The following PPP1R3A variants were observed in gnomAD, a reference collection of about 807,000 sequenced individuals.
The protein encoded by PPP1R3A is protein phosphatase 1 regulatory subunit 3A, also known as RG1.
In PPP1R3A, 29 loss-of-function variants were observed where a neutral mutation model predicts 41.7. That is an observed-to-expected ratio of 0.70 (90% CI 0.52 to 0.95). The LOEUF is 0.95. Among genes scored for constraint, PPP1R3A ranks in the 40% least tolerant of loss-of-function variants. The probability of loss-of-function intolerance (pLI) is 0.00; values close to 1 mark genes in which losing one functional copy is unlikely to be tolerated. For missense variants in PPP1R3A, 1,352 were observed against 1,292.4 expected (o/e 1.05, Z -0.71); for synonymous variants, 485 against 453.4 (o/e 1.07, Z -0.89).
In PPP1R3A at chr7:113,879,294, G is replaced by T; in HGVS notation, c.1798C>A (p.His600Asn). ...SWEEAVLTPE[H>N]HHLTSEGSAL... ...CTGCCTTCACTAGTCAAATGATGATGCTCTGGGGTTAACACAGCTTCTTCC... is the reference window on the plus strand; with the variant it reads ...CTGCCTTCACTAGTCAAATGATGATTCTCTGGGGTTAACACAGCTTCTTCC... Residue 600 changes from histidine to asparagine, a missense_variant, in exon 4 of 4, where the codon CAT (histidine) becomes AAT (asparagine). Coordinates refer to ENST00000284601, the MANE Select transcript of PPP1R3A (RefSeq NM_002711.4). 1.9e-6 allele frequency: 3 copies of T among 1,613,636 alleles called. No individual in the cohort carries two copies. The South Asian group carries it at 3.3e-5, about 18-fold the overall frequency.
chr7:113,895,033 G>C (rs1199040534), intron 1 of PPP1R3A, among the ~76,000 whole-genome samples: 1 of 151,906 alleles, frequency 6.6e-6, no homozygotes, highest in African/African-American at 2.4e-5. Context: ...ACCCAATAGG[G>C]TGGCAGGTGT....
At position 113,914,759 on chromosome 7, in the gene PPP1R3A, T is replaced by C. The variant is rs1373109167; in HGVS notation, c.782+3456A>G. Reference sequence around the variant, plus strand: ...CACCGAAATCTCAACCCCTATGAGATAGAGCTGTAGTTGTTCTCAATTAAC... The same window carrying C: ...CACCGAAATCTCAACCCCTATGAGACAGAGCTGTAGTTGTTCTCAATTAAC... On this transcript the variant is annotated intron_variant, in intron 1 of 3. Transcript: ENST00000284601. Among the ~76,000 whole-genome samples the C allele has an allele frequency of 3.3e-5, 5 of 152,250 alleles. No individual in the cohort carries two copies. In the South Asian group the frequency reaches 6.2e-4, roughly 19 times the overall value.
intron 1 of PPP1R3A, among the ~76,000 whole-genome samples, chr7:113,915,729 T>C (rs1350809244): frequency 1.3e-5 from 2 of 151,670 alleles, no homozygotes; most frequent in African/African-American, 4.8e-5. Context: ...TTAGATTCTG[T>C]AACTATTTGG....
intron 1 of PPP1R3A, among the ~76,000 whole-genome samples, chr7:113,908,645 A>G (rs1201496537): frequency 6.6e-6 from 1 of 151,918 alleles, no homozygotes; most frequent in African/African-American, 2.4e-5. Flanking sequence ...TCTAAACTGC[A>G]TTTTATTTTT....
chr7:113,889,953 G>A (rs532905139), intron 1 of PPP1R3A, among the ~76,000 whole-genome samples: 1 of 152,188 alleles, frequency 6.6e-6, no homozygotes, highest in Admixed American at 6.5e-5. Context: ...CTGAGGAACA[G>A]AGTGGGGTAG....
Position 113,882,318 on chromosome 7 carries a change from T to C in PPP1R3A, c.785A>G (p.Lys262Arg), listed in dbSNP as rs1584812352. The C allele has an allele frequency of 4.2e-6, 6 of 1,444,960 alleles. No individual in the cohort carries two copies. The highest frequency in any genetic ancestry group is 3.9e-6 in the Non-Finnish European group (4 of 1,030,322). The allele number at this position is 1,444,960 out of a possible 1,614,324, so 89.5% of individuals were successfully genotyped here. A position where few individuals can be genotyped will look rare whatever the true frequency, so the allele number is the denominator to read the frequency against. The change falls in exon 2 of 4, where the codon AAA (lysine) becomes AGA (arginine). Residue 262 changes from lysine (K) to arginine (R), a missense_variant and splice_region_variant. Coordinates refer to ENST00000284601, the MANE Select transcript of PPP1R3A (RefSeq NM_002711.4). Reference sequence around the variant, plus strand: ...TTCTGATGTTACTGATGATTCTTCTTTACTGTTAAATTTAAAAGAAAATGT... The same window carrying C: ...TTCTGATGTTACTGATGATTCTTCTCTACTGTTAAATTTAAAAGAAAATGT... ...IKGCLKVKSS[K>R]EESSVTSEEN...
intron 1 of PPP1R3A, among the ~76,000 whole-genome samples, chr7:113,886,988 G>A (rs1441369452): frequency 6.6e-6 from 1 of 152,004 alleles, no homozygotes; most frequent in Non-Finnish European, 1.5e-5. Flanking sequence ...ATATAATAGT[G>A]GCATAAGAAA....
chr7:113,905,754 A>C (rs922484976), intron 1 of PPP1R3A, among the ~76,000 whole-genome samples: 5 of 151,826 alleles, frequency 3.3e-5, no homozygotes, highest in Non-Finnish European at 7.4e-5. Flanking sequence ...GAATACAACT[A>C]GTAGAGTGTC....
intron 1 of PPP1R3A, among the ~76,000 whole-genome samples, chr7:113,887,280 GA>G (rs1398934807): frequency 6.6e-6 from 1 of 151,800 alleles, no homozygotes; most frequent in Non-Finnish European, 1.5e-5. Flanking sequence ...AAGTAAAAAA[GA>G]AATTAATTAA....
intron 1 of PPP1R3A, among the ~76,000 whole-genome samples, chr7:113,888,043 A>G (rs1796816294): frequency 1.3e-5 from 2 of 151,868 alleles, no homozygotes; most frequent in African/African-American, 2.4e-5. Context: ...AAAAAAAAAA[A>G]GCACAAAAGA....
rs553407184 is a variant in PPP1R3A, at chr7:113,877,386, A to T, written c.*337T>A. 32 of 187,554 alleles carry T rather than the reference A, an allele frequency of 1.7e-4. No homozygotes were observed. Among genetic ancestry groups the T allele is most frequent in the Non-Finnish European group, 3.2e-4 (29 of 91,994 alleles). The allele number at this position is 187,554 out of a possible 1,614,324, so 11.6% of individuals were successfully genotyped here. A position where few individuals can be genotyped will look rare whatever the true frequency, so the allele number is the denominator to read the frequency against. ...CAAGGGGAAAAAAAAATGAAGCTTTATTGCAAGAGAAATGAATGCAAGAAA... is the reference window on the plus strand; with the variant it reads ...CAAGGGGAAAAAAAAATGAAGCTTTTTTGCAAGAGAAATGAATGCAAGAAA... On this transcript the variant is annotated 3_prime_UTR_variant, in exon 4 of 4. Coordinates refer to ENST00000284601, the MANE Select transcript of PPP1R3A (RefSeq NM_002711.4).
At chr7:113,891,101 A>AAAAAC (rs1796877801) in intron 1 of PPP1R3A, among the ~76,000 whole-genome samples, 1 of 115,448 alleles carries the variant, frequency 8.7e-6, no homozygotes. Flanking sequence ...AAAAAAAAAA[A>AAAAAC]AAAAAAAAAA....
At chr7:113,901,460 A>G (rs1345564445) in intron 1 of PPP1R3A, among the ~76,000 whole-genome samples, 1 of 151,810 alleles carries the variant, frequency 6.6e-6, no homozygotes, top group Non-Finnish European at 1.5e-5. Flanking sequence ...GACAGTGTGT[A>G]TATATATTTG....
chr7:113,888,674 G>T (rs940084846), intron 1 of PPP1R3A, among the ~76,000 whole-genome samples: 7 of 152,206 alleles, frequency 4.6e-5, no homozygotes, highest in African/African-American at 1.7e-4. Context: ...CCTTTTTCAG[G>T]GTTCCTCCCT....
At chr7:113,902,887 A>C (rs1797089135) in intron 1 of PPP1R3A, among the ~76,000 whole-genome samples, 1 of 151,842 alleles carries the variant, frequency 6.6e-6, no homozygotes, top group African/African-American at 2.4e-5. Context: ...GCTTAGAACA[A>C]TATTGGCACA....
At chr7:113,902,076 GGT>G (rs1797070800) in intron 1 of PPP1R3A, among the ~76,000 whole-genome samples, 1 of 151,536 alleles carries the variant, frequency 6.6e-6, no homozygotes, top group Admixed American at 6.6e-5. Context: ...TCTTTTTCTT[GGT>G]CTCTTAATGT....
chr7:113,887,788 T>C (rs968490238), intron 1 of PPP1R3A, among the ~76,000 whole-genome samples: 9 of 152,174 alleles, frequency 5.9e-5, no homozygotes, highest in Non-Finnish European at 1.2e-4. Flanking sequence ...CCCAGCACTT[T>C]GGGAGGCCGA....
intron 1 of PPP1R3A, among the ~76,000 whole-genome samples, chr7:113,889,302 G>A (rs905590878): frequency 9.2e-5 from 14 of 152,034 alleles, no homozygotes; most frequent in African/African-American, 3.1e-4. Context: ...AGCATGCTTT[G>A]CTACTATTTA....
Position 113,918,629 on chromosome 7 carries a change from A to C in PPP1R3A, c.368T>G (p.Leu123Arg). Residue 123 changes from leucine to arginine, a missense_variant, in exon 1 of 4, where the codon CTC becomes CGC. Physicochemically the swap from Leu to Arg is moderately radical, Grantham distance 102. Coordinates refer to ENST00000284601, the MANE Select transcript of PPP1R3A (RefSeq NM_002711.4). ...CTCCAGTATTGCTTTCTGTATTTGG[A>C]GTTGTTGCATAAGATCTTCTTTTGA... ...PSSKEDLMQQ[L>R]QIQKAILEST... is the part of the protein sequence containing the mutation. 6.2e-7 allele frequency: 1 copy of C among 1,613,588 alleles called. No individual in the cohort carries two copies. The highest frequency in any genetic ancestry group is 8.5e-7 in the Non-Finnish European group (1 of 1,179,712).
Sources: allele counts gnomAD v4.1 joint callset (sites outside exome capture counted in the v4.1 genomes callset), GRCh38; gene constraint gnomAD v4.1.1; transcripts MANE v1.5; gene names NCBI Gene and HGNC (gene_info 2026-07-23, HGNC 2026-07-21).